The following PLCL2 variants were observed in gnomAD, a reference collection of about 807,000 sequenced individuals.
PLCL2 encodes the protein inactive phospholipase C-like protein 2.
A neutral mutation model predicts 79.6 loss-of-function variants in PLCL2; 4 were observed. The ratio of observed to expected loss-of-function variants is 0.05; its 90% CI spans 0.02 to 0.11. The LOEUF is 0.11. Among genes scored for constraint, PLCL2 ranks in the 10% least tolerant of loss-of-function variants. The pLI, the probability that PLCL2 is intolerant of heterozygous loss-of-function variation, is 1.00. For missense variants in PLCL2, 895 were observed against 1,291.0 expected (o/e 0.69, Z 4.70); for synonymous variants, 484 against 457.7 (o/e 1.06, Z -0.73).
At chr3:16,976,774 T>C (rs994233762) in intron 1 of PLCL2, among the ~76,000 whole-genome samples, 1 of 152,224 alleles carries the variant, frequency 6.6e-6, no homozygotes, top group Admixed American at 6.5e-5. Context: ...GTGGGGCTTA[T>C]TTATTTCAAT....
intron 1 of PLCL2, among the ~76,000 whole-genome samples, chr3:16,993,572 A>G (rs1161584241): frequency 6.6e-6 from 1 of 152,182 alleles, no homozygotes; most frequent in Non-Finnish European, 1.5e-5. Context: ...TGGAATAAGG[A>G]TAGCATCCTG....
chr3:16,941,360 C>T (rs1217217493), intron 1 of PLCL2, among the ~76,000 whole-genome samples: 4 of 152,086 alleles, frequency 2.6e-5, no homozygotes, highest in Admixed American at 2.0e-4. Context: ...TGCCCCATAG[C>T]CAGAGTGATT....
intron 1 of PLCL2, among the ~76,000 whole-genome samples, chr3:16,948,159 C>T (rs1487648835): frequency 3.9e-5 from 6 of 152,094 alleles, no homozygotes; most frequent in Non-Finnish European, 7.4e-5. Flanking sequence ...GTGGTATATC[C>T]ATACCATGGA....
chr3:17,010,313 G>T lies in PLCL2; in HGVS notation c.967G>T (p.Gly323Cys), dbSNP rs199524890. ...KELHKSKDKA[G>C]TEVTKEEFIE... ...ATTGCATAAATCAAAGGACAAAGCT[G>T]GTACCGAGGTCACAAAGGAAGAATT... Residue 323 changes from glycine (G) to cysteine (C), a missense_variant, in exon 2 of 6, where the codon GGT (glycine) becomes TGT (cysteine). Transcript: ENST00000615277. This position sits in a 1 kb window ranked among gnomAD's most constrained non-coding sequence, Gnocchi z 5.8. The T allele has an allele frequency of 1.2e-6, 2 of 1,614,046 alleles. No individual in the cohort carries two copies. The highest frequency in any genetic ancestry group is 2.2e-5 in the East Asian group (1 of 44,868).
chr3:17,047,766 C>T (rs564334355), intron 4 of PLCL2, among the ~76,000 whole-genome samples: 24 of 152,140 alleles, frequency 1.6e-4, no homozygotes, highest in Non-Finnish European at 2.9e-4. Flanking sequence ...TTTGGAGGCC[C>T]CTTAACCTGC....
chr3:17,009,478 CTGT>C lies in PLCL2; in HGVS notation c.328-193_328-191del, dbSNP rs200682861. The stretch of plus-strand genomic sequence containing the variant: ...CAATTATTCAATAATGATTTCATAC[CTGT>C]TGGTATTAGGCTGTCAACTGCAAGG... On this transcript the variant is annotated intron_variant, in intron 1 of 5. Coordinates refer to ENST00000615277, the MANE Select transcript of PLCL2 (RefSeq NM_001144382.2). This position sits in a 1 kb window ranked among gnomAD's most constrained non-coding sequence, Gnocchi z 4.0. Among the ~76,000 whole-genome samples, 1,641 of 152,170 alleles carry C rather than the reference CTGT, an allele frequency of 0.011. 30 individuals carry two copies. The highest frequency in any genetic ancestry group is 0.046 in the Admixed American group (702 of 15,282).
intron 1 of PLCL2, among the ~76,000 whole-genome samples, chr3:16,914,841 C>T (rs1696957595): frequency 6.6e-6 from 1 of 152,060 alleles, no homozygotes; most frequent in African/African-American, 2.4e-5. Context: ...GTGACCCTCC[C>T]TCCTCAGCCT....
At chr3:16,998,070 GC>G (rs1433507026) in intron 1 of PLCL2, among the ~76,000 whole-genome samples, 22 of 152,144 alleles carry the variant, frequency 1.4e-4, no homozygotes, top group African/African-American at 4.8e-4. Flanking sequence ...CAGGGCAATA[GC>G]TTTGCCCCTG....
chr3:16,977,507 G>T (rs1176629685), intron 1 of PLCL2, among the ~76,000 whole-genome samples: 1 of 152,146 alleles, frequency 6.6e-6, no homozygotes, highest in African/African-American at 2.4e-5. Flanking sequence ...CCATGGAGGA[G>T]CTCAGGTCCC....
intron 3 of PLCL2, among the ~76,000 whole-genome samples, chr3:17,036,462 C>A (rs1017050770): frequency 6.6e-6 from 1 of 152,138 alleles, no homozygotes; most frequent in Non-Finnish European, 1.5e-5. Flanking sequence ...AGTCTCAAAT[C>A]CCGATGTTTT....
At chr3:16,896,425 G>A (rs1427679014) in intron 1 of PLCL2, among the ~76,000 whole-genome samples, 1 of 152,212 alleles carries the variant, frequency 6.6e-6, no homozygotes, top group Non-Finnish European at 1.5e-5. Context: ...AGTGAAGAGT[G>A]TGTTGGTCAC....
intron 1 of PLCL2, among the ~76,000 whole-genome samples, chr3:16,920,693 T>A (rs952372827): frequency 9.8e-5 from 15 of 152,324 alleles, no homozygotes; most frequent in Non-Finnish European, 4.4e-5. Context: ...TAATTCATTT[T>A]AAAACTATAT....
At chr3:16,890,697 T>A (rs1272650231) in intron 1 of PLCL2, among the ~76,000 whole-genome samples, 1 of 152,238 alleles carries the variant, frequency 6.6e-6, no homozygotes, top group Non-Finnish European at 1.5e-5. Context: ...CTTTTACCAG[T>A]GGACCACAGG....
chr3:16,935,288 T>C (rs895255657), intron 1 of PLCL2, among the ~76,000 whole-genome samples: 1 of 152,232 alleles, frequency 6.6e-6, no homozygotes, highest in African/African-American at 2.4e-5. Context: ...TCTATTACTC[T>C]TTAGTTGCTT....
rs576560718 is a variant in PLCL2, at chr3:17,054,668, C to CA, written c.3094+11719_3094+11720insA. 2.2e-3 allele frequency among the ~76,000 whole-genome samples: 338 copies of CA among 152,170 alleles called. 2 individuals are homozygous for CA. Among genetic ancestry groups the CA allele is most frequent in the African/African-American group, 7.6e-3 (316 of 41,510 alleles). ...ACTACCAAGGGGGGATGGTGCTAAA[C>CA]CATTTATGAGAATGCTACCCCCATG... On this transcript the variant is annotated intron_variant, in intron 4 of 5. Coordinates refer to ENST00000615277, the MANE Select transcript of PLCL2 (RefSeq NM_001144382.2).
intron 3 of PLCL2, among the ~76,000 whole-genome samples, chr3:17,034,619 C>T (rs73153288): frequency 6.6e-6 from 1 of 152,132 alleles, no homozygotes; most frequent in Non-Finnish European, 1.5e-5. Flanking sequence ...ATTAATCTTT[C>T]TTAAATGTAT....
chr3:16,941,896 T>A (rs988079394), intron 1 of PLCL2, among the ~76,000 whole-genome samples: 3 of 152,098 alleles, frequency 2.0e-5, no homozygotes, highest in Admixed American at 6.5e-5. Flanking sequence ...GAAAACAGAT[T>A]TGTGATGCTA....
chr3:16,930,382 A>T (rs912814669), intron 1 of PLCL2, among the ~76,000 whole-genome samples: 3 of 152,178 alleles, frequency 2.0e-5, no homozygotes, highest in Non-Finnish European at 4.4e-5. Flanking sequence ...GCAGGGAAGA[A>T]CCAGTATTGG....
chr3:16,938,432 G>C (rs1206831744), intron 1 of PLCL2, among the ~76,000 whole-genome samples: 1 of 152,140 alleles, frequency 6.6e-6, no homozygotes. Context: ...TTTTCTTTCT[G>C]TCCATCCTTA....
Sources: gnomAD v4.1 joint callset for allele counts (sites outside exome capture counted in the v4.1 genomes callset) on GRCh38, gnomAD v4.1.1 for gene constraint, Gnocchi (gnomAD v3.1) non-coding constraint, MANE v1.5 for transcripts, NCBI Gene and HGNC (gene_info 2026-07-23, HGNC 2026-07-21) for gene names.